GSDME: variants seen among roughly 807,000 people sequenced by gnomAD.
GSDME encodes the protein gasdermin-E.
A neutral mutation model predicts 47.5 loss-of-function variants in GSDME; 44 were observed. The observed-to-expected ratio is 0.93, with a 90% CI of 0.73 to 1.19. GSDME has a LOEUF of 1.19. Ranked by LOEUF, GSDME falls within the 50% of genes most tolerant of loss-of-function variation. The pLI is 0.00. For synonymous variants in GSDME, 258 were observed against 252.8 expected, an observed-to-expected ratio of 1.02 and a Z score of -0.20; for missense variants, 663 against 604.2, an observed-to-expected ratio of 1.10 and a Z score of -1.02.
rs2128048491 is a variant in GSDME at position 24,707,747 on chromosome 7, C to T, written c.990+380G>A. On this transcript the variant is annotated intron_variant, in intron 7 of 9. Transcript: ENST00000645220. Reference sequence around the variant, plus strand: ...CAGAGCAGAGGCTGGAGTGCTGCTGCCATGAGCCAGGAACACTAGGAGCCA... The same window carrying T: ...CAGAGCAGAGGCTGGAGTGCTGCTGTCATGAGCCAGGAACACTAGGAGCCA... The T allele has an allele frequency of 6.8e-6, 3 of 439,530 alleles. No individual in the cohort carries two copies. In the South Asian group the frequency reaches 1.0e-4, roughly 15 times the overall value. The allele number at this position is 439,530 out of a possible 1,614,324, so 27.2% of individuals were successfully genotyped here. A position where few individuals can be genotyped will look rare whatever the true frequency, so the allele number is the denominator to read the frequency against.
At position 24,724,207 on chromosome 7, in the gene GSDME, T is replaced by A. The variant is rs1339342816; in HGVS notation, c.405-4989A>T. Among the ~76,000 whole-genome samples the A allele has an allele frequency of 4.6e-5, 7 of 151,674 alleles. No individual in the cohort carries two copies. The highest frequency in any genetic ancestry group is 1.7e-4 in the African/African-American group (7 of 41,260). ...AAAAAAAGTATTTTAAAAAAAGGCCTTCTGGACAGACTGTAAGCTCCTGGA... is the reference window on the plus strand; with the variant it reads ...AAAAAAAGTATTTTAAAAAAAGGCCATCTGGACAGACTGTAAGCTCCTGGA... On this transcript the variant is annotated intron_variant, in intron 3 of 9. Transcript: ENST00000645220. This position sits in a 1 kb window ranked among gnomAD's most constrained non-coding sequence, Gnocchi z 4.8.
rs1318977880 is a variant in GSDME at position 24,757,411 on chromosome 7, T to TGGGTCCCCGGCAGCC, written c.-50_-36dup. On this transcript the variant is annotated 5_prime_UTR_variant, in exon 1 of 10. Coordinates refer to ENST00000645220, the MANE Select transcript of GSDME (RefSeq NM_001127453.2). The surrounding 1 kb of genome is among the most constrained non-coding windows in gnomAD (Gnocchi z 5.9). ...GCGCACTTACCCGCGCGCCCGCTGC[T>TGGGTCCCCGGCAGCC]GGGTCCCCGGCAGCCGCGCCCCCTG... 2.0e-5 allele frequency: 3 copies of TGGGTCCCCGGCAGCC among 152,170 alleles called. No individual in the cohort carries two copies. The highest frequency in any genetic ancestry group is 7.3e-5 in the African/African-American group (3 of 41,364). 9.4% of individuals were successfully genotyped at this position (152,170 alleles called of 1,614,324 possible). A position where few individuals can be genotyped will look rare whatever the true frequency, so the allele number is the denominator to read the frequency against.
chr7:24,761,316 G>A (rs1791162549), upstream of GSDME, among the ~76,000 whole-genome samples: 1 of 152,196 alleles, frequency 6.6e-6, no homozygotes. The surrounding 1 kb of genome is among the most constrained non-coding windows in gnomAD (Gnocchi z 4.4). Context: ...TAAACAACAG[G>A]ACTTTATTTC....
intron 8 of GSDME, chr7:24,703,192 C>T (rs571292912): frequency 2.8e-6 from 1 of 350,958 alleles, no homozygotes; most frequent in South Asian, 2.2e-5. Flanking sequence ...TCCACACATT[C>T]AGGCTGCAGC....
chr7:24,744,265 G>T lies in GSDME; in HGVS notation c.404+297C>A. The T allele has an allele frequency of 2.4e-6, 1 of 423,608 alleles. No homozygotes were observed. Among genetic ancestry groups the T allele is most frequent in the Admixed American group, 3.6e-5 (1 of 27,572 alleles). 26.2% of individuals were successfully genotyped at this position (423,608 alleles called of 1,614,324 possible). Reference sequence around the variant, plus strand: ...CTAAAGTTAATATTCAAAAATGCAGGACAGAGCATTTTTACCGTTCGCATT... The same window carrying T: ...CTAAAGTTAATATTCAAAAATGCAGTACAGAGCATTTTTACCGTTCGCATT... On this transcript the variant is annotated intron_variant, in intron 3 of 9. Coordinates refer to ENST00000645220, the MANE Select transcript of GSDME (RefSeq NM_001127453.2). This position sits in a 1 kb window ranked among gnomAD's most constrained non-coding sequence, Gnocchi z 4.5.
chr7:24,787,875 T>C, the GSDME span, among the ~76,000 whole-genome samples: 2 of 151,212 alleles, frequency 1.3e-5, no homozygotes, highest in African/African-American at 4.8e-5. The surrounding 1 kb of genome is among the most constrained non-coding windows in gnomAD (Gnocchi z 5.0). Context: ...CCCAGCTAAT[T>C]TTTGTATTTT....
chr7:24,788,349 G>A, the GSDME span, among the ~76,000 whole-genome samples: 1 of 151,848 alleles, frequency 6.6e-6, no homozygotes, highest in Non-Finnish European at 1.5e-5. This position sits in a 1 kb window ranked among gnomAD's most constrained non-coding sequence, Gnocchi z 4.6. Context: ...TTTTCTGGCA[G>A]ACGCCGCATG....
chr7:24,759,795 G>T (rs1192673990), upstream of GSDME, among the ~76,000 whole-genome samples: 1 of 152,214 alleles, frequency 6.6e-6, no homozygotes, highest in African/African-American at 2.4e-5. Flanking sequence ...TTGTGTTCAA[G>T]ATCTCACCTG....
chr7:24,724,767 T>C lies in GSDME; in HGVS notation c.405-5549A>G, dbSNP rs1789912009. Reference sequence around the variant, plus strand: ...CCAATGTGGTTTAATGTTTGTCCCTTCTAAGTTTCATGTTGAAATGTGATC... The same window carrying C: ...CCAATGTGGTTTAATGTTTGTCCCTCCTAAGTTTCATGTTGAAATGTGATC... On this transcript the variant is annotated intron_variant, in intron 3 of 9. Coordinates refer to ENST00000645220, the MANE Select transcript of GSDME (RefSeq NM_001127453.2). The surrounding 1 kb of genome is among the most constrained non-coding windows in gnomAD (Gnocchi z 4.8). The C allele has an allele frequency of 6.6e-6, 1 of 152,182 alleles. No individual in the cohort carries two copies. 9.4% of individuals were successfully genotyped at this position (152,182 alleles called of 1,614,324 possible). A position where few individuals can be genotyped will look rare whatever the true frequency, so the allele number is the denominator to read the frequency against.
chr7:24,739,105 G>A lies in GSDME; in HGVS notation c.404+5457C>T, dbSNP rs938319524. On this transcript the variant is annotated intron_variant, in intron 3 of 9. Coordinates refer to ENST00000645220, the MANE Select transcript of GSDME (RefSeq NM_001127453.2). This position sits in a 1 kb window ranked among gnomAD's most constrained non-coding sequence, Gnocchi z 5.1. ...TTCTTGAGTAACATCCCACAGACAC[G>A]AACCACTAAAGCAAAAATGGACAAA... Among the ~76,000 whole-genome samples, 4 of 151,992 alleles carry A rather than the reference G, an allele frequency of 2.6e-5. No individual in the cohort carries two copies. Among genetic ancestry groups the A allele is most frequent in the African/African-American group, 7.2e-5 (3 of 41,406 alleles).
the GSDME span, among the ~76,000 whole-genome samples, chr7:24,773,101 C>T: frequency 6.6e-6 from 1 of 152,200 alleles, no homozygotes; most frequent in Non-Finnish European, 1.5e-5. This position sits in a 1 kb window ranked among gnomAD's most constrained non-coding sequence, Gnocchi z 5.4. Flanking sequence ...TAAACTTGTT[C>T]TTCTCACCTC....
Position 24,706,259 on chromosome 7 carries a change from C to T in GSDME, c.1108G>A (p.Gly370Arg), listed in dbSNP as rs777109676. The part of the protein sequence containing the change: ...LQLVGCSLQG[G>R]CPGPEDAGSK... ...CCTGCATCCTCGGGGCCCGGACACC[C>T]ACCCTGTAAGCTGCACCCCACCAGC... is the stretch of plus-strand genomic sequence containing the variant. Residue 370 changes from glycine to arginine, a missense_variant, in exon 8 of 10, where the codon GGG (glycine) becomes AGG (arginine). Transcript: ENST00000645220. 6.2e-7 allele frequency: 1 copy of T among 1,614,220 alleles called. No individual in the cohort carries two copies. Among genetic ancestry groups the T allele is most frequent in the Non-Finnish European group, 8.5e-7 (1 of 1,180,042 alleles).
rs1216436361 is a variant in GSDME, at chr7:24,728,627, G to T, written c.405-9409C>A. On this transcript the variant is annotated intron_variant, in intron 3 of 9. Coordinates refer to ENST00000645220, the MANE Select transcript of GSDME (RefSeq NM_001127453.2). This position sits in a 1 kb window ranked among gnomAD's most constrained non-coding sequence, Gnocchi z 7.2. ...TGCATGCTTGATTGTTAAAGAACTGGCAGTCTTTCTGCTCCATCCCATGAG... is the reference window on the plus strand; with the variant it reads ...TGCATGCTTGATTGTTAAAGAACTGTCAGTCTTTCTGCTCCATCCCATGAG... Among the ~76,000 whole-genome samples, 1 of 152,140 alleles carries T rather than the reference G, an allele frequency of 6.6e-6. No homozygotes were observed. Among genetic ancestry groups the T allele is most frequent in the African/African-American group, 2.4e-5 (1 of 41,432 alleles).
chr7:24,718,684 C>T lies in GSDME; in HGVS notation c.576+363G>A, dbSNP rs115382806. Among the ~76,000 whole-genome samples the T allele has an allele frequency of 5.8e-3, 882 of 152,300 alleles. 4 individuals carry two copies. Among genetic ancestry groups the T allele is most frequent in the African/African-American group, 0.02 (811 of 41,544 alleles). On this transcript the variant is annotated intron_variant, in intron 4 of 9. Transcript: ENST00000645220. ...CCCTGCTTCAGGAATGAACATATCCCGGGACGGTCTGGTGAGACCCAGTCC... is the reference window on the plus strand; with the variant it reads ...CCCTGCTTCAGGAATGAACATATCCTGGGACGGTCTGGTGAGACCCAGTCC...
rs1262914164 is a variant in GSDME at position 24,705,370 on chromosome 7, C to G, written c.1183+814G>C. ...CATAGAGTTGGGACAGGCATTCTCT[C>G]AGATTAATTCTTTAAAAACTGAAGA... On this transcript the variant is annotated intron_variant, in intron 8 of 9. Transcript: ENST00000645220. This position sits in a 1 kb window ranked among gnomAD's most constrained non-coding sequence, Gnocchi z 4.1. 6.6e-6 allele frequency: 1 copy of G among 152,452 alleles called. No homozygotes were observed. Among genetic ancestry groups the G allele is most frequent in the East Asian group, 1.9e-4 (1 of 5,204 alleles). The allele number at this position is 152,452 out of a possible 1,614,324, so 9.4% of individuals were successfully genotyped here. A position where few individuals can be genotyped will look rare whatever the true frequency, so the allele number is the denominator to read the frequency against.
At chr7:24,759,089 C>G (rs1423804523), upstream of GSDME, among the ~76,000 whole-genome samples, 1 of 151,972 alleles carries the variant, frequency 6.6e-6, no homozygotes, top group Middle Eastern at 3.2e-3. Context: ...GGTGGTAGGC[C>G]CCTGATTTGC....
In GSDME at chr7:24,736,184, T is replaced by C. The variant is rs528311114; in HGVS notation, c.404+8378A>G. Reference sequence around the variant, plus strand: ...GTAAATCCTTACTTATCAATAATAATTGAATGTAACTAAACTCTCCAATTA... The same window carrying C: ...GTAAATCCTTACTTATCAATAATAACTGAATGTAACTAAACTCTCCAATTA... On this transcript the variant is annotated intron_variant, in intron 3 of 9. Transcript: ENST00000645220. This position sits in a 1 kb window ranked among gnomAD's most constrained non-coding sequence, Gnocchi z 4.6. Among the ~76,000 whole-genome samples the C allele has an allele frequency of 3.3e-5, 5 of 152,244 alleles. No homozygotes were observed. The highest frequency in any genetic ancestry group is 1.2e-4 in the African/African-American group (5 of 41,554).
intron 9 of GSDME, among the ~76,000 whole-genome samples, chr7:24,700,890 C>T (rs377588890): frequency 2.6e-5 from 4 of 152,192 alleles, no homozygotes; most frequent in East Asian, 1.9e-4. Flanking sequence ...GTGCAGCATT[C>T]GGCTTTCTTT....
rs981526663 is a variant in GSDME, at chr7:24,754,507, T to C, written c.-20+2889A>G. On this transcript the variant is annotated intron_variant, in intron 1 of 9. Transcript: ENST00000645220. This position sits in a 1 kb window ranked among gnomAD's most constrained non-coding sequence, Gnocchi z 5.0. ...TCTCAAAAAAAAAAAAAAAAAGTTG[T>C]ATTAGCAAACAGTCCTTAGTCTGGC... Among the ~76,000 whole-genome samples, 1 of 150,980 alleles carries C rather than the reference T, an allele frequency of 6.6e-6. No homozygotes were observed. The highest frequency in any genetic ancestry group is 1.5e-5 in the Non-Finnish European group (1 of 67,790).
Sources: gnomAD v4.1 joint callset for allele counts (sites outside exome capture counted in the v4.1 genomes callset) on GRCh38, gnomAD v4.1.1 for gene constraint, Gnocchi (gnomAD v3.1) non-coding constraint, MANE v1.5 for transcripts, NCBI Gene and HGNC (gene_info 2026-07-23, HGNC 2026-07-21) for gene names.